Variants in RORB observed in about 807,000 individuals in gnomAD.
RORB encodes the protein nuclear receptor ROR-beta.
In RORB, 6 loss-of-function variants were observed where a neutral mutation model predicts 59.1. That is an observed-to-expected ratio of 0.10 (90% confidence interval 0.06 to 0.20). RORB has a LOEUF of 0.20. Ranked by LOEUF, RORB falls within the 10% of genes least tolerant of loss-of-function variation. RORB has a pLI of 1.00. For missense variants in RORB, 320 were observed against 560.5 expected (o/e 0.57, Z 4.33); for synonymous variants, 215 against 204.5 (o/e 1.05, Z -0.44).
intron 1 of RORB, among the ~76,000 whole-genome samples, chr9:74,589,367 C>T (rs536271156): frequency 6.6e-6 from 1 of 152,138 alleles, no homozygotes; most frequent in Non-Finnish European, 1.5e-5. Flanking sequence ...ACCTCTCTCC[C>T]CCAACACACA....
chr9:74,645,335 A>T (rs927497314), intron 4 of RORB, among the ~76,000 whole-genome samples: 1 of 152,202 alleles, frequency 6.6e-6, no homozygotes, highest in Non-Finnish European at 1.5e-5. Flanking sequence ...TCACTAAAAT[A>T]TTAAATCCTT....
At chr9:74,609,198 A>G (rs917219638) in intron 1 of RORB, among the ~76,000 whole-genome samples, 2 of 152,256 alleles carry the variant, frequency 1.3e-5, no homozygotes, top group East Asian at 3.8e-4. Context: ...CGTAACAAAT[A>G]CGCAAAATAG....
chr9:74,532,311 G>T (rs1479794986), intron 1 of RORB, among the ~76,000 whole-genome samples: 1 of 151,738 alleles, frequency 6.6e-6, no homozygotes, highest in African/African-American at 2.4e-5. Flanking sequence ...TTTTCTCAGT[G>T]ATCAGTTCTG....
chr9:74,543,568 C>G (rs1410400649), intron 1 of RORB, among the ~76,000 whole-genome samples: 1 of 152,112 alleles, frequency 6.6e-6, no homozygotes, highest in South Asian at 2.1e-4. Context: ...CAAAAGACCA[C>G]TCTAGGTGAA....
chr9:74,517,951 G>T (rs1826031701), intron 1 of RORB, among the ~76,000 whole-genome samples: 1 of 151,944 alleles, frequency 6.6e-6, no homozygotes, highest in Non-Finnish European at 1.5e-5. Context: ...TTATCCCCAT[G>T]TCACAGGTGA....
chr9:74,522,081 G>T (rs186167117), intron 1 of RORB, among the ~76,000 whole-genome samples: 31 of 151,854 alleles, frequency 2.0e-4, no homozygotes, highest in African/African-American at 7.0e-4. Context: ...AGACCTTTCT[G>T]CAACAAAGCA....
At chr9:74,559,914 G>A (rs1822368124) in intron 1 of RORB, among the ~76,000 whole-genome samples, 1 of 152,096 alleles carries the variant, frequency 6.6e-6, no homozygotes, top group Non-Finnish European at 1.5e-5. Flanking sequence ...AGGACAGTAA[G>A]GAAAGATCTA....
chr9:74,646,848 C>T (rs184750104), intron 4 of RORB, among the ~76,000 whole-genome samples: 2 of 152,280 alleles, frequency 1.3e-5, no homozygotes, highest in African/African-American at 4.8e-5. Context: ...CAATTCACCA[C>T]ATCCTAAGTA....
intron 4 of RORB, among the ~76,000 whole-genome samples, chr9:74,654,895 A>G (rs1487443733): frequency 6.6e-6 from 1 of 152,210 alleles, no homozygotes; most frequent in Non-Finnish European, 1.5e-5. Flanking sequence ...GGAAAGGAAG[A>G]GAAAGAGAGA....
At chr9:74,630,219 T>A (rs573749720) in intron 1 of RORB, 63 bp from the exon 2 acceptor site, 3 of 1,588,928 alleles carry the variant, frequency 1.9e-6, no homozygotes, top group East Asian at 4.5e-5. Flanking sequence ...GGGAGAGAGA[T>A]AGGAAGAGTG....
At chr9:74,635,380 C>A (rs773082004) in intron 3 of RORB, among the ~76,000 whole-genome samples, 16 of 152,168 alleles carry the variant, frequency 1.1e-4, no homozygotes, top group Admixed American at 2.6e-4. Context: ...TACACTCCAC[C>A]TTGACGCCCA....
chr9:74,602,351 A>G (rs560648194), intron 1 of RORB, among the ~76,000 whole-genome samples: 1 of 152,262 alleles, frequency 6.6e-6, no homozygotes, highest in South Asian at 2.1e-4. Context: ...TGAATCCTAT[A>G]TTGTTGTTTT....
intron 1 of RORB, among the ~76,000 whole-genome samples, chr9:74,575,610 G>A (rs888650904): frequency 1.3e-5 from 2 of 151,916 alleles, no homozygotes; most frequent in South Asian, 2.1e-4. Flanking sequence ...CACTCACCAA[G>A]AAATAGGCTA....
chr9:74,652,831 A>G (rs1459806997), intron 4 of RORB, among the ~76,000 whole-genome samples: 4 of 152,198 alleles, frequency 2.6e-5, no homozygotes, highest in African/African-American at 9.7e-5. Flanking sequence ...TAAATTATTG[A>G]TGCCCCCAAT....
At chr9:74,673,876 C>T (rs1824390118) in intron 9 of RORB, among the ~76,000 whole-genome samples, 1 of 152,082 alleles carries the variant, frequency 6.6e-6, no homozygotes, top group African/African-American at 2.4e-5. Context: ...TTGTGTGGCC[C>T]CTTTCTTGTA....
intron 1 of RORB, among the ~76,000 whole-genome samples, chr9:74,596,269 A>G (rs1270008736): frequency 1.3e-5 from 2 of 152,176 alleles, no homozygotes; most frequent in Non-Finnish European, 2.9e-5. Context: ...AGGTAGAGAC[A>G]TTCGTCAGCT....
At chr9:74,579,731 C>T (rs1173440415) in intron 1 of RORB, among the ~76,000 whole-genome samples, 1 of 151,992 alleles carries the variant, frequency 6.6e-6, no homozygotes, top group African/African-American at 2.4e-5. Flanking sequence ...TGGAAAATAC[C>T]AGATTTTTAT....
At chr9:74,608,563 CAAAAAAAAA>C (rs34028088) in intron 1 of RORB, among the ~76,000 whole-genome samples, 1 of 127,292 alleles carries the variant, frequency 7.9e-6, no homozygotes, top group Non-Finnish European at 1.6e-5. Flanking sequence ...GACTCCGTCT[CAAAAAAAAA>C]AAAAAAAAAT....
At chr9:74,584,279 G>A (rs1303242763) in intron 1 of RORB, among the ~76,000 whole-genome samples, 1 of 152,158 alleles carries the variant, frequency 6.6e-6, no homozygotes, top group African/African-American at 2.4e-5. Flanking sequence ...TAGTATGATG[G>A]AGTGGTAGAG....
Sources: gnomAD v4.1 joint callset for allele counts (sites outside exome capture counted in the v4.1 genomes callset) on GRCh38, gnomAD v4.1.1 for gene constraint, MANE v1.5 for transcripts, NCBI Gene and HGNC (gene_info 2026-07-23, HGNC 2026-07-21) for gene names.